CAST: variants seen among roughly 807,000 people sequenced by gnomAD.
CAST encodes the protein MIR583 host.
A neutral mutation model predicts 119.6 loss-of-function variants in CAST; 76 were observed. The ratio of observed to expected loss-of-function variants is 0.64; its 90% confidence interval spans 0.53 to 0.77. The LOEUF (loss-of-function observed/expected upper bound fraction) is 0.77, where lower values mean the gene tolerates loss of function less well. Ranked by LOEUF, CAST falls within the 30% of genes least tolerant of loss-of-function variation. The pLI is 0.00. For synonymous variants in CAST, 319 were observed against 331.6 expected (o/e 0.96, Z 0.41); for missense variants, 953 against 946.5 (o/e 1.01, Z -0.09).
chr5:96,387,487 T>C, the CAST span, among the ~76,000 whole-genome samples: 1 of 152,220 alleles, frequency 6.6e-6, no homozygotes, highest in Non-Finnish European at 1.5e-5. Context: ...TTCTTCCTTC[T>C]AATTCTCTCT....
intron 1 of CAST, chr5:96,662,902 G>C (rs1172130364): frequency 3.5e-6 from 2 of 575,730 alleles, no homozygotes; most frequent in Non-Finnish European, 6.1e-6. Flanking sequence ...GCCTGGAGAC[G>C]CAGAGCCTCT....
the CAST span, among the ~76,000 whole-genome samples, chr5:96,222,677 A>G: frequency 2.0e-5 from 3 of 152,174 alleles, no homozygotes; most frequent in African/African-American, 7.2e-5. Flanking sequence ...GTAAGTTAGT[A>G]CAACCACAAT....
At position 96,662,480 on chromosome 5, in the gene CAST, G is replaced by A; in HGVS notation, c.58G>A (p.Ala20Thr). The A allele has an allele frequency of 7.0e-7, 1 of 1,427,666 alleles. No homozygotes were observed. The highest frequency in any genetic ancestry group is 9.1e-7 in the Non-Finnish European group (1 of 1,094,436). The allele number at this position is 1,427,666 out of a possible 1,614,324, so 88.4% of individuals were successfully genotyped here. A position where few individuals can be genotyped will look rare whatever the true frequency, so the allele number is the denominator to read the frequency against. Reference protein sequence around the residue: ...ASPRPRRAAAARRTHEHVSEK... With the variant: ...ASPRPRRAAATRRTHEHVSEK... ...CCCGCGGCCCCGGCGAGCAGCCGCCGCCCGCCGCACCCATGAGGTGAGTGG... is the reference window on the plus strand; with the variant it reads ...CCCGCGGCCCCGGCGAGCAGCCGCCACCCGCCGCACCCATGAGGTGAGTGG... The change falls in exon 1 of 32, where the codon GCC (alanine) becomes ACC (threonine). Residue 20 changes from alanine (A) to threonine (T), a missense_variant. By Grantham distance (58) the Ala-to-Thr change is moderately conservative (BLOSUM62 0). Coordinates refer to ENST00000675179, the MANE Select transcript of CAST (RefSeq NM_001750.7).
At chr5:96,549,027 G>T (rs1746071286) in intron 1 of CAST, among the ~76,000 whole-genome samples, 5 of 152,170 alleles carry the variant, frequency 3.3e-5, no homozygotes, top group African/African-American at 1.2e-4. Context: ...AGGAAGAGAA[G>T]CATCCTTACT....
rs78212314 is a variant in CAST, at chr5:96,642,242, A to G, written c.61-33297A>G. 5.2e-3 allele frequency among the ~76,000 whole-genome samples: 797 copies of G among 152,336 alleles called. 4 individuals are homozygous for G. The highest frequency in any genetic ancestry group is 0.018 in the African/African-American group (768 of 41,578). On this transcript the variant is annotated intron_variant, in intron 1 of 11. Coordinates refer to the CAST transcript ENST00000505143. ...TTACCTGTATCCACCACTAGACTCC[A>G]TGATGAAAAGGATCATTTCAATCTT...
intron 1 of CAST, among the ~76,000 whole-genome samples, chr5:96,585,511 T>C (rs1425003746): frequency 6.6e-6 from 1 of 152,168 alleles, no homozygotes. Flanking sequence ...CTCAAAACCT[T>C]TGCTTTAATA....
the CAST span, among the ~76,000 whole-genome samples, chr5:96,199,183 A>G: frequency 6.6e-6 from 1 of 152,174 alleles, no homozygotes; most frequent in Admixed American, 6.6e-5. Context: ...TTTGAGATTT[A>G]AGTATGATTT....
chr5:96,552,132 A>T (rs746966089), intron 1 of CAST, among the ~76,000 whole-genome samples: 1 of 152,190 alleles, frequency 6.6e-6, no homozygotes, highest in African/African-American at 2.4e-5. Flanking sequence ...TCAGCACCAC[A>T]TCGCACTTAT....
At chr5:96,526,616 G>A (rs1221321790), upstream of CAST, among the ~76,000 whole-genome samples, 1 of 152,120 alleles carries the variant, frequency 6.6e-6, no homozygotes, top group African/African-American at 2.4e-5. Flanking sequence ...GCATATTTGG[G>A]GGTAACATGT....
the CAST span, chr5:96,399,065 T>C: frequency 6.5e-7 from 1 of 1,546,744 alleles, no homozygotes; most frequent in Non-Finnish European, 8.9e-7. Context: ...CAGCATTGAA[T>C]AAAGTATATC....
the CAST span, among the ~76,000 whole-genome samples, chr5:96,372,106 A>G: frequency 6.6e-6 from 1 of 152,214 alleles, no homozygotes; most frequent in East Asian, 1.9e-4. Context: ...TGGAAATGGG[A>G]AAAATTGAAG....
At chr5:96,205,990 T>A in the CAST span, among the ~76,000 whole-genome samples, 244 of 152,062 alleles carry the variant, frequency 1.6e-3, no homozygotes, top group Non-Finnish European at 2.3e-3. Context: ...TATTTTTTTT[T>A]AAACATTTTA....
intron 1 of CAST, among the ~76,000 whole-genome samples, chr5:96,585,657 G>A (rs1746846965): frequency 6.6e-6 from 1 of 152,146 alleles, no homozygotes; most frequent in African/African-American, 2.4e-5. Context: ...AAAAGCATTA[G>A]GGGCTAACAG....
chr5:96,445,954 C>T, the CAST span, among the ~76,000 whole-genome samples: 5 of 152,282 alleles, frequency 3.3e-5, no homozygotes, highest in East Asian at 1.9e-4. Context: ...CTCAAGCAAT[C>T]CTCACACTTC....
At chr5:96,274,277 AT>A in the CAST span, among the ~76,000 whole-genome samples, 11 of 151,406 alleles carry the variant, frequency 7.3e-5, no homozygotes, top group East Asian at 2.0e-4. Context: ...AATTTTTTGT[AT>A]TTTTTAGTAG....
chr5:96,045,927 G>T, the CAST span, among the ~76,000 whole-genome samples: 13 of 152,214 alleles, frequency 8.5e-5, no homozygotes, highest in African/African-American at 3.1e-4. Flanking sequence ...AAGTGACAAG[G>T]GGGTATGTTA....
chr5:96,344,836 T>G, the CAST span, among the ~76,000 whole-genome samples: 10 of 152,258 alleles, frequency 6.6e-5, no homozygotes, highest in South Asian at 1.9e-3. Context: ...TATTTCAAAT[T>G]TGTTTGCATT....
chr5:96,757,441 T>A lies in CAST; in HGVS notation c.1711-3T>A. On this transcript the variant is annotated splice_polypyrimidine_tract_variant and splice_region_variant and intron_variant, in intron 22 of 31. Coordinates refer to ENST00000675179, the MANE Select transcript of CAST (RefSeq NM_001750.7). ...CATGCCATGTGTTTTCCCCCCCGGA[T>A]AGGATAAAGATGGAAAGCCACTCCT... is the stretch of plus-strand genomic sequence containing the variant. 6.2e-7 allele frequency: 1 copy of A among 1,613,760 alleles called. No homozygotes were observed. Among genetic ancestry groups the A allele is most frequent in the South Asian group, 1.1e-5 (1 of 91,074 alleles).
the CAST span, among the ~76,000 whole-genome samples, chr5:96,077,774 G>A: frequency 6.6e-6 from 1 of 152,088 alleles, no homozygotes; most frequent in Admixed American, 6.6e-5. Flanking sequence ...CTCACCACAA[G>A]CAGATGCTGG....
Sources: allele counts gnomAD v4.1 joint callset (sites outside exome capture counted in the v4.1 genomes callset), GRCh38; gene constraint gnomAD v4.1.1; transcripts MANE v1.5; gene names NCBI Gene and HGNC (gene_info 2026-07-23, HGNC 2026-07-21).